The following KAZN variants were observed in gnomAD, a reference collection of about 807,000 sequenced individuals.
KAZN encodes the protein kazrin, periplakin interacting protein.
In KAZN, 40 loss-of-function variants were observed where a neutral mutation model predicts 87.4. That is an observed-to-expected ratio of 0.46 (90% CI 0.36 to 0.60). KAZN has a LOEUF of 0.60. KAZN is among the 20% of genes least tolerant of loss of function. The pLI, the probability that KAZN is intolerant of heterozygous loss-of-function variation, is 0.00. For missense variants in KAZN, 898 were observed against 1,073.9 expected, an observed-to-expected ratio of 0.84 and a Z score of 2.29; for synonymous variants, 466 against 458.3, an observed-to-expected ratio of 1.02 and a Z score of -0.22.
At chr1:14,119,578 C>T (rs1405877605) in intron 1 of KAZN, among the ~76,000 whole-genome samples, 2 of 152,066 alleles carry the variant, frequency 1.3e-5, no homozygotes, top group East Asian at 3.9e-4. Context: ...ATAAACTCAG[C>T]CATCTTTTTA....
At chr1:13,919,032 C>T (rs545365911) in intron 1 of KAZN, among the ~76,000 whole-genome samples, 2 of 152,208 alleles carry the variant, frequency 1.3e-5, no homozygotes, top group Admixed American at 6.5e-5. Flanking sequence ...ACAAACTTAT[C>T]TTTGTCCACA....
chr1:14,178,079 G>A (rs955752514), intron 1 of KAZN, among the ~76,000 whole-genome samples: 5 of 152,020 alleles, frequency 3.3e-5, no homozygotes, highest in Admixed American at 1.3e-4. Flanking sequence ...TGAGTCTCAG[G>A]AGATCTGATG....
intron 2 of KAZN, among the ~76,000 whole-genome samples, chr1:14,487,769 T>C (rs957835252): frequency 1.3e-5 from 2 of 152,116 alleles, no homozygotes; most frequent in African/African-American, 4.8e-5. Context: ...GCAGTAGATA[T>C]TTTTGAGGGG....
intron 4 of KAZN, among the ~76,000 whole-genome samples, chr1:15,049,175 G>A (rs1674022687): frequency 6.6e-6 from 1 of 152,178 alleles, no homozygotes; most frequent in African/African-American, 2.4e-5. Flanking sequence ...TCAGTCCACA[G>A]GCCTTTCCCA....
intron 1 of KAZN, among the ~76,000 whole-genome samples, chr1:14,790,839 T>C (rs1352713139): frequency 6.6e-6 from 1 of 152,180 alleles, no homozygotes; most frequent in Non-Finnish European, 1.5e-5. Context: ...ATGATATGCG[T>C]GCACCACTAT....
chr1:14,730,324 C>T (rs1047671341), intron 1 of KAZN, among the ~76,000 whole-genome samples: 8 of 152,294 alleles, frequency 5.3e-5, no homozygotes, highest in African/African-American at 1.7e-4. Flanking sequence ...CCTTGTAATC[C>T]GCCCGCCTCG....
chr1:14,102,676 G>A (rs1644283512), intron 1 of KAZN, among the ~76,000 whole-genome samples: 2 of 152,152 alleles, frequency 1.3e-5, no homozygotes, highest in East Asian at 1.9e-4. Context: ...TCTATGGTGA[G>A]CTCCGTGCAT....
chr1:14,598,934 C>A lies in KAZN; in HGVS notation c.-64C>A. 1 of 1,554,562 alleles carries A rather than the reference C, an allele frequency of 6.4e-7. No homozygotes were observed. Among genetic ancestry groups the A allele is most frequent in the South Asian group, 1.2e-5 (1 of 84,068 alleles). ...AGGTAGAGCCGGGGGTGCCCGGCCGCGCGCCCCCCGCGCATCATGCAGCTC... is the reference window on the plus strand; with the variant it reads ...AGGTAGAGCCGGGGGTGCCCGGCCGAGCGCCCCCCGCGCATCATGCAGCTC... On this transcript the variant is annotated 5_prime_UTR_variant, in exon 1 of 15. Coordinates refer to ENST00000376030, the MANE Select transcript of KAZN (RefSeq NM_201628.3). This position sits in a 1 kb window ranked among gnomAD's most constrained non-coding sequence, Gnocchi z 4.2.
intron 1 of KAZN, among the ~76,000 whole-genome samples, chr1:14,614,523 T>C (rs1329764102): frequency 6.6e-6 from 1 of 152,244 alleles, no homozygotes. Flanking sequence ...AGTATGAGGC[T>C]GGACCCAGCC....
At chr1:14,205,424 TG>T (rs1403985531) in intron 2 of KAZN, among the ~76,000 whole-genome samples, 1 of 152,220 alleles carries the variant, frequency 6.6e-6, no homozygotes, top group African/African-American at 2.4e-5. Flanking sequence ...CATGAACTAA[TG>T]TATGGCAATT....
intron 1 of KAZN, among the ~76,000 whole-genome samples, chr1:14,833,902 C>A (rs189681533): frequency 6.6e-6 from 1 of 151,144 alleles, no homozygotes; most frequent in African/African-American, 2.4e-5. Flanking sequence ...GTCTAAGAGC[C>A]GAGAATGTCA....
At chr1:14,449,927 G>A (rs1192748221) in intron 2 of KAZN, among the ~76,000 whole-genome samples, 2 of 152,172 alleles carry the variant, frequency 1.3e-5, no homozygotes, top group African/African-American at 4.8e-5. Context: ...TACATTCCCA[G>A]ATTCAAGTAA....
At chr1:14,120,399 A>G (rs1348412523) in intron 1 of KAZN, among the ~76,000 whole-genome samples, 1 of 151,926 alleles carries the variant, frequency 6.6e-6, no homozygotes, top group Non-Finnish European at 1.5e-5. Flanking sequence ...CCACGATCAA[A>G]TCACCTCCCA....
chr1:14,710,209 T>G (rs1348401216), intron 1 of KAZN, among the ~76,000 whole-genome samples: 2 of 152,278 alleles, frequency 1.3e-5, no homozygotes, highest in African/African-American at 2.4e-5. Context: ...TCTGAGAGCA[T>G]CTTCAGAATT....
chr1:13,899,788 T>C (rs1570219981), intron 1 of KAZN, among the ~76,000 whole-genome samples: 1 of 151,868 alleles, frequency 6.6e-6, no homozygotes, highest in African/African-American at 2.4e-5. Context: ...GGATTACAGG[T>C]TTGTGCCACC....
intron 1 of KAZN, among the ~76,000 whole-genome samples, chr1:14,892,059 G>A (rs887294311): frequency 6.6e-6 from 1 of 152,122 alleles, no homozygotes; most frequent in African/African-American, 2.4e-5. Context: ...CTGGCCTCTG[G>A]TGTGGTGCAG....
chr1:14,933,248 C>T (rs150456553), intron 1 of KAZN, among the ~76,000 whole-genome samples: 1 of 152,176 alleles, frequency 6.6e-6, no homozygotes, highest in African/African-American at 2.4e-5. Context: ...TGTGCCACCA[C>T]ACCTGGCTAA....
rs1659059603 is a variant in KAZN, at chr1:14,356,703, TTTTGTCAGG to T, written c.249+176119_249+176127del. Among the ~76,000 whole-genome samples, 5 of 152,196 alleles carry T rather than the reference TTTTGTCAGG, an allele frequency of 3.3e-5. No individual in the cohort carries two copies. The South Asian group carries it at 1.0e-3, about 31-fold the overall frequency. ...AGGGAATCCTTTCCCCATTGCTTGTTTTTGTCAGGTTTGTCAAAGATCAGATGGTTGTGG... is the reference window on the plus strand; with the variant it reads ...AGGGAATCCTTTCCCCATTGCTTGTTTTTGTCAAAGATCAGATGGTTGTGG... On this transcript the variant is annotated intron_variant, in intron 2 of 16. Coordinates refer to the KAZN transcript ENST00000636203.
chr1:14,149,816 G>C (rs1384055797), intron 1 of KAZN, among the ~76,000 whole-genome samples: 1 of 152,102 alleles, frequency 6.6e-6, no homozygotes, highest in Non-Finnish European at 1.5e-5. Flanking sequence ...GATTATAACA[G>C]GGAATGGAAC....
Sources: allele counts gnomAD v4.1 joint callset (sites outside exome capture counted in the v4.1 genomes callset), GRCh38; gene constraint gnomAD v4.1.1; non-coding constraint Gnocchi (gnomAD v3.1); transcripts MANE v1.5; gene names NCBI Gene and HGNC (gene_info 2026-07-23, HGNC 2026-07-21).